ERBB4: variants seen among roughly 807,000 people sequenced by gnomAD.
ERBB4 encodes erb-b2 receptor tyrosine kinase 4, also known as receptor tyrosine-protein kinase erbB-4.
A neutral mutation model predicts 158.0 loss-of-function variants in ERBB4; 42 were observed. The ratio of observed to expected loss-of-function variants is 0.27; its 90% CI spans 0.21 to 0.34. The LOEUF (loss-of-function observed/expected upper bound fraction) is 0.34, where lower values mean the gene tolerates loss of function less well. ERBB4 is among the 10% of genes least tolerant of loss of function. The pLI is 1.00. For synonymous variants in ERBB4, 583 were observed against 558.7 expected, an observed-to-expected ratio of 1.04 and a Z score of -0.61; for missense variants, 1,333 against 1,624.1, an observed-to-expected ratio of 0.82 and a Z score of 3.08.
intron 20 of ERBB4, among the ~76,000 whole-genome samples, chr2:211,555,906 C>T (rs749117808): frequency 3.9e-5 from 6 of 152,176 alleles, no homozygotes; most frequent in South Asian, 4.1e-4. Flanking sequence ...AAAGCAACCA[C>T]ACAAACAAGT....
chr2:211,858,694 T>A (rs1332204786), intron 3 of ERBB4, among the ~76,000 whole-genome samples: 2 of 152,210 alleles, frequency 1.3e-5, no homozygotes, highest in Non-Finnish European at 2.9e-5. Context: ...TTGAGACAGA[T>A]GTTAGCTGTA....
chr2:212,272,768 GT>G (rs1437911834), intron 1 of ERBB4, among the ~76,000 whole-genome samples: 1 of 151,568 alleles, frequency 6.6e-6, no homozygotes, highest in Non-Finnish European at 1.5e-5. Flanking sequence ...AGATTCTACT[GT>G]TTTTTAAAAT....
intron 25 of ERBB4, among the ~76,000 whole-genome samples, chr2:211,418,374 T>C (rs1261258001): frequency 1.3e-5 from 2 of 152,140 alleles, no homozygotes; most frequent in Admixed American, 6.5e-5. Flanking sequence ...ATAAAGCTTT[T>C]TAAATGCCTG....
chr2:212,485,178 G>T (rs374104342), intron 1 of ERBB4, among the ~76,000 whole-genome samples: 142 of 152,220 alleles, frequency 9.3e-4, no homozygotes, highest in African/African-American at 3.4e-3. Context: ...AGTCACCGGA[G>T]TTCCAGGAAA....
At chr2:212,187,702 A>C (rs1004361478) in intron 1 of ERBB4, among the ~76,000 whole-genome samples, 8 of 152,156 alleles carry the variant, frequency 5.3e-5, no homozygotes, top group Admixed American at 2.0e-4. Context: ...GAGACATTTA[A>C]GTGACTCAGA....
At chr2:211,396,103 T>C (rs2062910711) in intron 25 of ERBB4, among the ~76,000 whole-genome samples, 1 of 152,134 alleles carries the variant, frequency 6.6e-6, no homozygotes, top group African/African-American at 2.4e-5. Context: ...ATATAGTTCC[T>C]TTTGTACTAT....
At chr2:211,889,393 A>G (rs1007222129) in intron 3 of ERBB4, among the ~76,000 whole-genome samples, 11 of 146,264 alleles carry the variant, frequency 7.5e-5, no homozygotes, top group African/African-American at 2.6e-4. Flanking sequence ...CCGAAAACCC[A>G]TCTGTACATC....
chr2:211,537,490 T>A (rs1312647288), intron 20 of ERBB4, among the ~76,000 whole-genome samples: 2 of 152,010 alleles, frequency 1.3e-5, no homozygotes, highest in Non-Finnish European at 2.9e-5. Flanking sequence ...ACATGTTAAG[T>A]CATTCGTTCT....
At chr2:211,844,518 C>A (rs2077547372) in intron 3 of ERBB4, among the ~76,000 whole-genome samples, 1 of 152,162 alleles carries the variant, frequency 6.6e-6, no homozygotes, top group African/African-American at 2.4e-5. Context: ...TTTTTGATTG[C>A]TAACCTAGTG....
At chr2:212,252,187 T>C (rs1036705746) in intron 1 of ERBB4, among the ~76,000 whole-genome samples, 5 of 152,062 alleles carry the variant, frequency 3.3e-5, no homozygotes, top group African/African-American at 1.2e-4. Flanking sequence ...TGAGGGGTCA[T>C]TTATATACAG....
intron 1 of ERBB4, among the ~76,000 whole-genome samples, chr2:212,153,780 G>A (rs760226380): frequency 3.3e-5 from 5 of 152,062 alleles, no homozygotes; most frequent in African/African-American, 7.2e-5. Flanking sequence ...TCTAGTTCCA[G>A]TGAAGTTTCA....
intron 19 of ERBB4, among the ~76,000 whole-genome samples, chr2:211,597,176 G>A (rs150773802): frequency 5.9e-5 from 9 of 152,076 alleles, no homozygotes; most frequent in African/African-American, 2.2e-4. Context: ...AGAGAGGAGG[G>A]TTAGGAAAAA....
intron 1 of ERBB4, among the ~76,000 whole-genome samples, chr2:212,475,236 G>T (rs559951731): frequency 2.6e-5 from 4 of 152,188 alleles, no homozygotes; most frequent in African/African-American, 9.6e-5. Context: ...TGCTTGGAAG[G>T]GTCCAGTGCT....
intron 19 of ERBB4, among the ~76,000 whole-genome samples, chr2:211,595,664 C>T (rs1454659283): frequency 6.6e-6 from 1 of 152,136 alleles, no homozygotes; most frequent in Non-Finnish European, 1.5e-5. Context: ...AGAACAACAG[C>T]CCATGGGTTT....
chr2:211,700,793 A>G (rs2073205928), intron 12 of ERBB4, among the ~76,000 whole-genome samples: 2 of 152,208 alleles, frequency 1.3e-5, no homozygotes, highest in South Asian at 4.1e-4. Context: ...CAAAGAAGTA[A>G]GCAAATACTG....
At chr2:211,893,032 C>G (rs1188115531) in intron 3 of ERBB4, among the ~76,000 whole-genome samples, 2 of 148,570 alleles carry the variant, frequency 1.3e-5, no homozygotes, top group East Asian at 3.9e-4. Flanking sequence ...GCTACCAAGA[C>G]TTTCCTCACA....
At chr2:211,692,723 C>T (rs1040455675) in intron 12 of ERBB4, among the ~76,000 whole-genome samples, 9 of 152,048 alleles carry the variant, frequency 5.9e-5, no homozygotes, top group Admixed American at 1.3e-4. Context: ...ATTTGTAACC[C>T]ACTCAAATAA....
rs577817411 is a variant in ERBB4 at position 211,966,643 on chromosome 2, G to C, written c.235-19027C>G. On this transcript the variant is annotated intron_variant, in intron 2 of 27. Transcript: ENST00000342788. ...TTAGAAAACACTCTACTTTATACTGGTGTTTATATACCATTACATGTTTAT... is the reference window on the plus strand; with the variant it reads ...TTAGAAAACACTCTACTTTATACTGCTGTTTATATACCATTACATGTTTAT... Among the ~76,000 whole-genome samples the C allele has an allele frequency of 1.1e-3, 172 of 152,108 alleles. 1 individual carries two copies. Among genetic ancestry groups the C allele is most frequent in the African/African-American group, 3.5e-3 (145 of 41,520 alleles).
At chr2:212,445,721 G>T (rs2092335918) in intron 1 of ERBB4, among the ~76,000 whole-genome samples, 1 of 152,132 alleles carries the variant, frequency 6.6e-6, no homozygotes. Flanking sequence ...GACTACAAAT[G>T]GTCCAGACCC....
Sources: gnomAD v4.1 joint callset for allele counts (sites outside exome capture counted in the v4.1 genomes callset) on GRCh38, gnomAD v4.1.1 for gene constraint, MANE v1.5 for transcripts, NCBI Gene and HGNC (gene_info 2026-07-23, HGNC 2026-07-21) for gene names.